Variants in DGKI observed in about 807,000 individuals in gnomAD.
The protein encoded by DGKI is diacylglycerol kinase iota.
In DGKI, 55 loss-of-function variants were observed where a neutral mutation model predicts 147.5. That is an observed-to-expected ratio of 0.37 (90% CI 0.30 to 0.47). DGKI has a LOEUF of 0.47. DGKI is among the 20% of genes least tolerant of loss of function. The pLI, the probability that DGKI is intolerant of heterozygous loss-of-function variation, is 1.00. For synonymous variants in DGKI, 469 were observed against 477.1 expected (o/e 0.98, Z 0.22); for missense variants, 1,007 against 1,323.8 (o/e 0.76, Z 3.71).
At chr7:137,715,614 T>C (rs760804368) in intron 1 of DGKI, among the ~76,000 whole-genome samples, 3 of 152,222 alleles carry the variant, frequency 2.0e-5, no homozygotes, top group Admixed American at 6.5e-5. Context: ...AGGGCAATAC[T>C]ATGGCATATG....
chr7:137,632,866 TAAACAAACAAAC>T (rs59720973), intron 6 of DGKI, among the ~76,000 whole-genome samples: 3 of 145,230 alleles, frequency 2.1e-5, no homozygotes, highest in African/African-American at 5.2e-5. Context: ...CTCAAATAAA[TAAACAAACAAAC>T]AAACAAACAA....
chr7:137,444,948 C>T (rs2030969), intron 27 of DGKI, among the ~76,000 whole-genome samples: 50,293 of 151,962 alleles, frequency 0.33, 9,310 homozygotes, highest in East Asian at 0.63. Context: ...GTTGAAATTT[C>T]GAAGGGAAAG....
intron 1 of DGKI, among the ~76,000 whole-genome samples, chr7:137,729,158 G>A (rs1794798248): frequency 6.6e-6 from 1 of 151,954 alleles, no homozygotes; most frequent in African/African-American, 2.4e-5. Context: ...TTGCTAGGTG[G>A]GGTATTTAAA....
At chr7:137,578,244 A>C in intron 16 of DGKI, 26 bp downstream of exon 16, 1 of 1,529,206 alleles carries the variant, frequency 6.5e-7, no homozygotes, top group East Asian at 2.3e-5. Flanking sequence ...AATATGTAGT[A>C]ATTATGAAAT....
chr7:137,846,432 C>T lies in DGKI; in HGVS notation c.401+30G>A. The T allele has an allele frequency of 6.5e-7, 1 of 1,535,306 alleles. No homozygotes were observed. Among genetic ancestry groups the T allele is most frequent in the Non-Finnish European group, 8.9e-7 (1 of 1,129,904 alleles). ...GAGTGGGTCTCCCGCCGCGGCGCAC[C>T]TGTCTCGGCTGCCGGCTCCCCGCAC... On this transcript the variant is annotated intron_variant, in intron 1 of 32. Coordinates refer to ENST00000614521, the MANE Select transcript of DGKI (RefSeq NM_001321708.2). The surrounding 1 kb of genome is among the most constrained non-coding windows in gnomAD (Gnocchi z 4.0).
chr7:137,564,655 C>T (rs967654217), intron 19 of DGKI, among the ~76,000 whole-genome samples: 7 of 152,216 alleles, frequency 4.6e-5, no homozygotes, highest in Non-Finnish European at 1.0e-4. Flanking sequence ...ATTGTCTGTT[C>T]CAGAATTTTA....
At chr7:137,577,990 C>G (rs1203309244) in intron 16 of DGKI, among the ~76,000 whole-genome samples, 1 of 152,194 alleles carries the variant, frequency 6.6e-6, no homozygotes, top group Non-Finnish European at 1.5e-5. Flanking sequence ...GTTTGTTTCT[C>G]ACATCCCTTT....
chr7:137,451,648 C>T (rs1026219242), intron 27 of DGKI, among the ~76,000 whole-genome samples: 1 of 152,086 alleles, frequency 6.6e-6, no homozygotes, highest in Admixed American at 6.5e-5. Flanking sequence ...AGTCAATAAA[C>T]CTGGAAATGA....
At chr7:137,490,167 C>T (rs1815712259) in intron 21 of DGKI, among the ~76,000 whole-genome samples, 1 of 152,172 alleles carries the variant, frequency 6.6e-6, no homozygotes, top group African/African-American at 2.4e-5. Context: ...CAACAACTGT[C>T]AAATTTATTC....
At chr7:137,516,164 A>G (rs1816737832) in intron 21 of DGKI, among the ~76,000 whole-genome samples, 1 of 152,138 alleles carries the variant, frequency 6.6e-6, no homozygotes, top group Admixed American at 6.6e-5. Flanking sequence ...CAGTGTTTTT[A>G]GCAAACTCTT....
intron 1 of DGKI, among the ~76,000 whole-genome samples, chr7:137,785,298 A>G (rs534808990): frequency 6.6e-6 from 1 of 152,284 alleles, no homozygotes; most frequent in Admixed American, 6.5e-5. Flanking sequence ...GGGAGATATT[A>G]CAACTAATAC....
chr7:137,534,302 G>T (rs1585206509), intron 20 of DGKI, among the ~76,000 whole-genome samples: 1 of 151,836 alleles, frequency 6.6e-6, no homozygotes. Flanking sequence ...TAATAACATT[G>T]CAGTTATAAT....
chr7:137,460,649 A>G (rs1021727496), intron 27 of DGKI, among the ~76,000 whole-genome samples: 2 of 152,216 alleles, frequency 1.3e-5, no homozygotes, highest in African/African-American at 4.8e-5. Context: ...AAATGTTCCA[A>G]TAAGCACTTC....
intron 2 of DGKI, among the ~76,000 whole-genome samples, chr7:137,686,081 C>T (rs943374770): frequency 6.6e-6 from 1 of 152,078 alleles, no homozygotes; most frequent in African/African-American, 2.4e-5. Context: ...AAAACATTGC[C>T]CCTCCTTTTA....
At chr7:137,793,805 T>C (rs935251757) in intron 1 of DGKI, among the ~76,000 whole-genome samples, 1 of 152,238 alleles carries the variant, frequency 6.6e-6, no homozygotes, top group African/African-American at 2.4e-5. Context: ...GACTTTATTT[T>C]CTGGAGTTTG....
chr7:137,731,470 G>C lies in DGKI; in HGVS notation c.402-41468C>G, dbSNP rs1179921574. On this transcript the variant is annotated intron_variant, in intron 1 of 32. Transcript: ENST00000614521. ...GCCACATAGCACAGATCTAACAAAT[G>C]GCAGCTTTTATCATTACGGCATCAT... is the stretch of plus-strand genomic sequence containing the variant. Among the ~76,000 whole-genome samples, 8 of 152,190 alleles carry C rather than the reference G, an allele frequency of 5.3e-5. No individual in the cohort carries two copies. The East Asian group carries it at 1.5e-3, about 29-fold the overall frequency.
intron 20 of DGKI, among the ~76,000 whole-genome samples, chr7:137,533,069 C>T (rs948303629): frequency 1.3e-5 from 2 of 152,096 alleles, no homozygotes; most frequent in Non-Finnish European, 2.9e-5. Context: ...GGGAGGATCA[C>T]TTGAATTCAG....
At chr7:137,512,601 T>C (rs899899545) in intron 21 of DGKI, among the ~76,000 whole-genome samples, 6 of 152,070 alleles carry the variant, frequency 3.9e-5, no homozygotes, top group Non-Finnish European at 5.9e-5. Context: ...AATAAACCAA[T>C]GAAAAGAGAA....
chr7:137,614,810 C>A (rs1426248059), intron 8 of DGKI, among the ~76,000 whole-genome samples: 1 of 152,042 alleles, frequency 6.6e-6, no homozygotes, highest in Non-Finnish European at 1.5e-5. Context: ...GACCATGATA[C>A]CCTCAAATAG....
Sources: gnomAD v4.1 joint callset for allele counts (sites outside exome capture counted in the v4.1 genomes callset) on GRCh38, gnomAD v4.1.1 for gene constraint, Gnocchi (gnomAD v3.1) non-coding constraint, MANE v1.5 for transcripts, NCBI Gene and HGNC (gene_info 2026-07-23, HGNC 2026-07-21) for gene names.